The following DDB1 variants were observed in gnomAD, a reference collection of about 807,000 sequenced individuals.
The protein encoded by DDB1 is damage specific DNA binding protein 1.
Under a neutral mutation model 133.1 loss-of-function variants are expected in DDB1, and 18 were observed. That is an observed-to-expected ratio of 0.14 (90% CI 0.09 to 0.20). The LOEUF (loss-of-function observed/expected upper bound fraction) is 0.20, where lower values mean the gene tolerates loss of function less well. DDB1 is among the 10% of genes least tolerant of loss of function. The pLI, the probability that DDB1 is intolerant of heterozygous loss-of-function variation, is 1.00. For synonymous variants in DDB1, 580 were observed against 550.5 expected, an observed-to-expected ratio of 1.05 and a Z score of -0.75; for missense variants, 828 against 1,459.2, an observed-to-expected ratio of 0.57 and a Z score of 7.05.
Position 61,302,576 on chromosome 11 carries a change from C to A in DDB1, c.3112+6G>T, listed in dbSNP as rs1855816719. 3 of 1,613,932 alleles carry A rather than the reference C, an allele frequency of 1.9e-6. No homozygotes were observed. Among genetic ancestry groups the A allele is most frequent in the Admixed American group, 1.7e-5 (1 of 60,002 alleles). ...GTGGGGGTGTGCCCCACAGGGGTGA[C>A]CTTACCTATCATGCCGTTGACCGTG... On this transcript the variant is annotated splice_donor_region_variant and intron_variant, in intron 24 of 26. Transcript: ENST00000301764.
chr11:61,324,265 A>G, intron 6 of DDB1, 128 bp from the exon 7 acceptor site: 1 of 966,014 alleles, frequency 1.0e-6, no homozygotes, highest in Non-Finnish European at 1.6e-6. Flanking sequence ...AGATAACATT[A>G]CATGAAAATG....
chr11:61,308,930 C>T, intron 21 of DDB1, 53 bp downstream of exon 21: 1 of 1,563,000 alleles, frequency 6.4e-7, no homozygotes, highest in African/African-American at 1.4e-5. Flanking sequence ...GAGACACATT[C>T]TGCAGACAAT....
chr11:61,302,610 C>T lies in DDB1; in HGVS notation c.3084G>A (p.Val1028=). 1 of 1,614,166 alleles carries T rather than the reference C, an allele frequency of 6.2e-7. No individual in the cohort carries two copies. The highest frequency in any genetic ancestry group is 2.2e-5 in the East Asian group (1 of 44,888). Residue 1028 remains valine, a synonymous_variant, in exon 24 of 27, where the codon GTG becomes GTA. Transcript: ENST00000301764. Reference sequence around the variant, plus strand: ...TCATGCCGTTGACCGTGCCGAAGAGCACCGAGCCTTGTGTGGGGGTGGAAG... The same window carrying T: ...TCATGCCGTTGACCGTGCCGAAGAGTACCGAGCCTTGTGTGGGGGTGGAAG... ...GETSTPTQGS[V]LFGTVNGMIG...
chr11:61,332,775 T>C (rs1856422493), intron 1 of DDB1, 133 bp downstream of exon 1: 2 of 739,880 alleles, frequency 2.7e-6, no homozygotes, highest in Non-Finnish European at 3.9e-6. Context: ...CTGGGGGAGG[T>C]TCCTCGGCCG....
chr11:61,310,640 G>C (rs1364875609), intron 18 of DDB1: 10 of 431,038 alleles, frequency 2.3e-5, no homozygotes, highest in Non-Finnish European at 4.1e-5. Flanking sequence ...AGACAAAACA[G>C]TGATGCTTCA....
At chr11:61,304,133 A>C (rs960513321) in intron 21 of DDB1, 98 bp from the exon 22 acceptor site, 29 of 1,364,800 alleles carry the variant, frequency 2.1e-5, no homozygotes, top group Non-Finnish European at 2.7e-5. Flanking sequence ...ACTACTTCTC[A>C]AAGTGCAATG....
chr11:61,302,667 G>A lies in DDB1; in HGVS notation c.3027C>T (p.His1009=), dbSNP rs146145663. 423 of 1,614,226 alleles carry A rather than the reference G, an allele frequency of 2.6e-4. No homozygotes were observed. Among genetic ancestry groups the A allele is most frequent in the Admixed American group, 1.4e-3 (87 of 60,028 alleles). Reference sequence around the variant, plus strand: ...CCAGATTCTGCATTACCAGAGAGCCGTGGCAAAAGACATTGACAAACTCGC... The same window carrying A: ...CCAGATTCTGCATTACCAGAGAGCCATGGCAAAAGACATTGACAAACTCGC... The part of the protein sequence containing the change: ...HLGEFVNVFC[H]GSLVMQNLGE... The change falls in exon 24 of 27, where the codon CAC becomes CAT. Residue 1009 remains histidine, a synonymous_variant. Coordinates refer to ENST00000301764, the MANE Select transcript of DDB1 (RefSeq NM_001923.5).
At chr11:61,317,219 T>TTA (rs1484609041) in intron 10 of DDB1, among the ~76,000 whole-genome samples, 1 of 151,704 alleles carries the variant, frequency 6.6e-6, no homozygotes, top group African/African-American at 2.4e-5. Context: ...GTTCACACCA[T>TTA]TCTCCTGCCT....
intron 10 of DDB1, among the ~76,000 whole-genome samples, chr11:61,317,427 T>C (rs1424538593): frequency 6.6e-6 from 1 of 152,044 alleles, no homozygotes; most frequent in Non-Finnish European, 1.5e-5. Context: ...TTAGATAATT[T>C]TAAAGCTGTT....
At chr11:61,321,938 C>A (rs898321081) in intron 9 of DDB1, 24 of 550,378 alleles carry the variant, frequency 4.4e-5, no homozygotes, top group Non-Finnish European at 6.5e-5. Context: ...TTGCTTAGAT[C>A]GCTGGGACCT....
At chr11:61,315,547 A>C (rs1335318368) in intron 12 of DDB1, 1 of 152,088 alleles carries the variant, frequency 6.6e-6, no homozygotes, top group Non-Finnish European at 1.5e-5. Context: ...CAGGTGGATA[A>C]AAAGACAGAG....
At chr11:61,325,180 C>G (rs1258164375) in intron 6 of DDB1, among the ~76,000 whole-genome samples, 1 of 152,018 alleles carries the variant, frequency 6.6e-6, no homozygotes, top group Non-Finnish European at 1.5e-5. Context: ...AAAATTTTCC[C>G]CTCTTAAAGT....
intron 5 of DDB1, 53 bp downstream of exon 5, chr11:61,326,726 A>G (rs1590698989): frequency 6.9e-7 from 1 of 1,442,406 alleles, no homozygotes. Context: ...GAACAAGAAC[A>G]GGGAACTAGC....
chr11:61,302,823 C>A, intron 23 of DDB1, 72 bp from the exon 24 acceptor site: 1 of 1,570,602 alleles, frequency 6.4e-7, no homozygotes, highest in South Asian at 1.1e-5. Context: ...GGACCACGTG[C>A]AGTGGTCACG....
At position 61,331,816 on chromosome 11, in the gene DDB1, C is replaced by T. The variant is rs551328077; in HGVS notation, c.62-125G>A. The T allele has an allele frequency of 6.5e-5, 87 of 1,340,864 alleles. No individual in the cohort carries two copies. In the African/African-American group the frequency reaches 1.2e-3, roughly 19 times the overall value. 83.1% of individuals were successfully genotyped at this position (1,340,864 alleles called of 1,614,324 possible). On this transcript the variant is annotated intron_variant, in intron 1 of 26. Transcript: ENST00000301764. ...ATTTACTTCACATACTTCTCCAACT[C>T]CCTCCAGCTACTCCCCTTCTTGCCA...
chr11:61,321,066 T>A (rs889908095), intron 10 of DDB1, among the ~76,000 whole-genome samples: 2 of 151,736 alleles, frequency 1.3e-5, no homozygotes, highest in African/African-American at 2.4e-5. Context: ...TAATTTTTTT[T>A]ATAGAGATGA....
At chr11:61,300,296 T>G in intron 26 of DDB1, 77 bp from the exon 27 acceptor site, 1 of 1,412,698 alleles carries the variant, frequency 7.1e-7, no homozygotes, top group Non-Finnish European at 9.9e-7. Context: ...ATGCCCCCAG[T>G]GAAGGAGGCA....
intron 1 of DDB1, 28 bp downstream of exon 1, chr11:61,332,880 C>T (rs1177139835): frequency 6.8e-7 from 1 of 1,465,028 alleles, no homozygotes; most frequent in African/African-American, 1.5e-5. Flanking sequence ...CCCTCACTCG[C>T]CGGGGTCTCC....
chr11:61,325,778 C>T (rs981798531), intron 5 of DDB1, 70 bp from the exon 6 acceptor site: 1 of 1,274,404 alleles, frequency 7.8e-7, no homozygotes. Context: ...GGCAAAAGTA[C>T]AGGTCTAGTT....
Sources: allele counts gnomAD v4.1 joint callset (sites outside exome capture counted in the v4.1 genomes callset), GRCh38; gene constraint gnomAD v4.1.1; transcripts MANE v1.5; gene names NCBI Gene and HGNC (gene_info 2026-07-23, HGNC 2026-07-21).